UNC80: variants seen among roughly 807,000 people sequenced by gnomAD.
UNC80 encodes the protein unc-80 subunit of NALCN channel complex.
UNC80 carries 164 observed loss-of-function variants against 384.6 expected under a neutral mutation model. The ratio of observed to expected loss-of-function variants is 0.43; its 90% CI spans 0.38 to 0.49. The LOEUF (loss-of-function observed/expected upper bound fraction) is 0.49, where lower values mean the gene tolerates loss of function less well. Ranked by LOEUF, UNC80 falls within the 20% of genes least tolerant of loss-of-function variation. The pLI, the probability that UNC80 is intolerant of heterozygous loss-of-function variation, is 0.00. For synonymous variants in UNC80, 1,486 were observed against 1,527.8 expected, an observed-to-expected ratio of 0.97 and a Z score of 0.64; for missense variants, 3,330 against 4,143.0, an observed-to-expected ratio of 0.80 and a Z score of 5.39.
chr2:209,956,426 T>C (rs2092419987), intron 48 of UNC80, among the ~76,000 whole-genome samples: 1 of 152,162 alleles, frequency 6.6e-6, no homozygotes, highest in Non-Finnish European at 1.5e-5. Context: ...AGAATCTAGT[T>C]CCATGCGGCT....
chr2:209,982,201 C>T lies in UNC80; in HGVS notation c.9141C>T (p.Ser3047=), dbSNP rs73003402. 2.5e-3 allele frequency: 3,834 copies of T among 1,551,426 alleles called. 7 individuals are homozygous for T. Among genetic ancestry groups the T allele is most frequent in the Non-Finnish European group, 3.0e-3 (3,422 of 1,146,878 alleles). The part of the protein sequence containing the change: ...DEENDSISMP[S]VVSEQEAYLL... ...TAGATGACTCTATAAGCATGCCCAG[C>T]GTGGTAAGTGAACAAGAAGCTTACC... The change falls in exon 60 of 65, where the codon AGC becomes AGT. Residue 3047 remains serine (S), a synonymous_variant. Coordinates refer to ENST00000673920, the MANE Select transcript of UNC80 (RefSeq NM_001371986.1).
intron 4 of UNC80, among the ~76,000 whole-genome samples, chr2:209,782,371 G>A (rs1047473532): frequency 1.3e-5 from 2 of 151,904 alleles, no homozygotes; most frequent in Non-Finnish European, 2.9e-5. Context: ...TGTTCTTGCT[G>A]ACCGGAATGC....
chr2:209,954,997 T>A (rs2092345495), intron 48 of UNC80, among the ~76,000 whole-genome samples: 1 of 152,012 alleles, frequency 6.6e-6, no homozygotes, highest in Non-Finnish European at 1.5e-5. Flanking sequence ...GACAAAAAAA[T>A]AAAATGCAAG....
rs1463021357 is a variant in UNC80 at position 209,938,674 on chromosome 2, CTG to C, written c.6466-796_6466-795del. On this transcript the variant is annotated intron_variant, in intron 42 of 64. Transcript: ENST00000673920. ...ATCAATAATGGTGCTTGCCTAGTCT[CTG>C]TCTCTCTCTCTCTCTCTCTCTCTCT... Among the ~76,000 whole-genome samples the C allele has an allele frequency of 7.0e-5, 8 of 114,568 alleles. No individual in the cohort carries two copies. The South Asian group carries it at 1.3e-3, about 19-fold the overall frequency. The allele number at this position is 114,568 out of a possible 152,430, so 75.2% of individuals were successfully genotyped here.
chr2:209,911,494 A>G (rs1483300180), intron 29 of UNC80, among the ~76,000 whole-genome samples: 2 of 152,204 alleles, frequency 1.3e-5, no homozygotes, highest in South Asian at 2.1e-4. Context: ...TATACTCGTC[A>G]CATAATAGAT....
At chr2:209,978,781 G>A in intron 59 of UNC80, 73 bp downstream of exon 59, 2 of 1,349,070 alleles carry the variant, frequency 1.5e-6, no homozygotes, top group South Asian at 1.8e-5. Context: ...AAGGATTACT[G>A]CCCTTCTGAC....
intron 35 of UNC80, among the ~76,000 whole-genome samples, chr2:209,926,581 G>A (rs1320396122): frequency 2.0e-5 from 3 of 152,106 alleles, no homozygotes; most frequent in South Asian, 2.1e-4. Flanking sequence ...GTTCAAGACC[G>A]ACTGGGGCAA....
intron 22 of UNC80, among the ~76,000 whole-genome samples, chr2:209,860,794 T>G (rs1186403312): frequency 6.6e-6 from 1 of 152,244 alleles, no homozygotes; most frequent in African/African-American, 2.4e-5. Flanking sequence ...CTATGAATTT[T>G]ATTCTCTTTG....
chr2:209,901,616 A>C (rs2087411896), intron 28 of UNC80, among the ~76,000 whole-genome samples: 1 of 152,114 alleles, frequency 6.6e-6, no homozygotes, highest in Non-Finnish European at 1.5e-5. Flanking sequence ...TTGACTTTCA[A>C]GTCTTATGAT....
chr2:209,860,233 C>G (rs1453532591), intron 22 of UNC80, among the ~76,000 whole-genome samples: 1 of 152,152 alleles, frequency 6.6e-6, no homozygotes, highest in Non-Finnish European at 1.5e-5. Flanking sequence ...CGTCCAGTTT[C>G]AGTTCTCTGC....
At chr2:209,910,937 A>G (rs932036408) in intron 29 of UNC80, among the ~76,000 whole-genome samples, 2 of 152,176 alleles carry the variant, frequency 1.3e-5, no homozygotes, top group Non-Finnish European at 2.9e-5. Context: ...AAAGGCTGAA[A>G]GGAACCTAAT....
At chr2:209,825,263 A>C in intron 13 of UNC80, among the ~76,000 whole-genome samples, 1 of 152,150 alleles carries the variant, frequency 6.6e-6, no homozygotes, top group East Asian at 1.9e-4. Context: ...AACAACAAAG[A>C]TTAAATTGGG....
intron 21 of UNC80, among the ~76,000 whole-genome samples, chr2:209,844,567 CTTCT>C (rs754286821): frequency 1.7e-4 from 23 of 132,762 alleles, no homozygotes; most frequent in African/African-American, 4.8e-4. Flanking sequence ...TCCAAATCTC[CTTCT>C]TTCTTTCTTT....
chr2:209,849,187 C>T (rs2082354921), intron 21 of UNC80, among the ~76,000 whole-genome samples: 1 of 152,016 alleles, frequency 6.6e-6, no homozygotes, highest in Admixed American at 6.6e-5. Flanking sequence ...CAAAAGAAGA[C>T]CTGCAAGTAA....
chr2:209,818,269 A>T (rs1030591303), intron 11 of UNC80, among the ~76,000 whole-genome samples: 3 of 152,006 alleles, frequency 2.0e-5, no homozygotes, highest in South Asian at 2.1e-4. Context: ...GATTCCCTCT[A>T]TGAGATCTCT....
chr2:209,949,571 G>T (rs1337768013), intron 47 of UNC80, among the ~76,000 whole-genome samples: 1 of 151,976 alleles, frequency 6.6e-6, no homozygotes, highest in Admixed American at 6.6e-5. Context: ...TCTGCCTCCT[G>T]GGTTCAAGCA....
rs893918787 is a variant in UNC80, at chr2:209,825,963, A to G, written c.2388A>G (p.Ile796Met). ...TTGCTCTAACAATGCTCATCAAAATAGTGAAGTCTTTGGGATGTGCCTATG... is the reference window on the plus strand; with the variant it reads ...TTGCTCTAACAATGCTCATCAAAATGGTGAAGTCTTTGGGATGTGCCTATG... Reference protein sequence around the residue: ...HRLALTMLIKIVKSLGCAYGC... With the variant: ...HRLALTMLIKMVKSLGCAYGC... The change falls in exon 14 of 65, where the codon ATA (isoleucine) becomes ATG (methionine). Residue 796 changes from isoleucine to methionine, a missense_variant. Ile to Met is a conservative substitution (Grantham distance 10, BLOSUM62 1). This residue lies in a region of UNC80 where 937 missense variants were observed against 1,026.8 expected (regional missense o/e 0.91). Coordinates refer to ENST00000673920, the MANE Select transcript of UNC80 (RefSeq NM_001371986.1). 2.3e-5 allele frequency: 36 copies of G among 1,550,900 alleles called. No homozygotes were observed. The highest frequency in any genetic ancestry group is 3.1e-5 in the Non-Finnish European group (35 of 1,146,562).
intron 29 of UNC80, among the ~76,000 whole-genome samples, chr2:209,910,810 A>G (rs917468534): frequency 1.3e-5 from 2 of 152,140 alleles, no homozygotes; most frequent in African/African-American, 4.8e-5. Context: ...TTTAAGAATC[A>G]TATTTTCAAA....
chr2:209,780,666 T>A (rs2077107474), intron 4 of UNC80, among the ~76,000 whole-genome samples: 1 of 152,170 alleles, frequency 6.6e-6, no homozygotes, highest in Non-Finnish European at 1.5e-5. Context: ...CAACCACAGA[T>A]GACTCCAGAT....
Sources: gnomAD v4.1 joint callset for allele counts (sites outside exome capture counted in the v4.1 genomes callset) on GRCh38, gnomAD v4.1.1 for gene constraint, gnomAD v4.1.1 regional missense constraint, MANE v1.5 for transcripts, NCBI Gene and HGNC (gene_info 2026-07-23, HGNC 2026-07-21) for gene names.